TAF4: variants seen among roughly 807,000 people sequenced by gnomAD.
The protein encoded by TAF4 is TATA-box binding protein associated factor 4.
A neutral mutation model predicts 90.3 loss-of-function variants in TAF4; 9 were observed. The observed-to-expected ratio is 0.10, with a 90% CI of 0.06 to 0.17. The LOEUF (loss-of-function observed/expected upper bound fraction) is 0.17. TAF4 is among the 10% of genes least tolerant of loss of function. The pLI, the probability that TAF4 is intolerant of heterozygous loss-of-function variation, is 1.00. For synonymous variants in TAF4, 818 were observed against 638.9 expected (o/e 1.28, Z -4.23); for missense variants, 1,351 against 1,370.7 (o/e 0.99, Z 0.23).
intron 1 of TAF4, among the ~76,000 whole-genome samples, chr20:62,020,535 G>A (rs575400373): frequency 6.6e-6 from 1 of 152,164 alleles, no homozygotes; most frequent in Non-Finnish European, 1.5e-5. Context: ...GCCTTTCTGG[G>A]TGTCTGGTAA....
At position 62,064,619 on chromosome 20, in the gene TAF4, TG is replaced by T; in HGVS notation, c.1191del (p.Thr398ProfsTer11). ...AAVPPPAPGT[P>X]TGLPKGAAGA... ...CCGGCCGCGCCTTTGGGCAGCCCGG[TG>T]GGGGTCCCGGGGGCGGGCGGCGGGA... On this transcript the variant is annotated frameshift_variant, in exon 1 of 15. Transcript: ENST00000252996. LOFTEE classifies it high-confidence loss of function. 2 of 1,385,762 alleles carry T rather than the reference TG, an allele frequency of 1.4e-6. No homozygotes were observed. The highest frequency in any genetic ancestry group is 1.9e-6 in the Non-Finnish European group (2 of 1,075,426). The allele number at this position is 1,385,762 out of a possible 1,614,324, so 85.8% of individuals were successfully genotyped here.
At chr20:62,057,145 C>A (rs893458539) in intron 1 of TAF4, among the ~76,000 whole-genome samples, 4 of 152,346 alleles carry the variant, frequency 2.6e-5, no homozygotes, top group African/African-American at 9.6e-5. Context: ...GTCCCCCGAC[C>A]CCATGGAACA....
At chr20:62,029,300 G>C (rs140040202) in intron 1 of TAF4, among the ~76,000 whole-genome samples, 2 of 151,972 alleles carry the variant, frequency 1.3e-5, no homozygotes, top group Non-Finnish European at 1.5e-5. Context: ...GATAAAACTC[G>C]GAGGCAAGGA....
chr20:61,993,490 G>C (rs1401022477), intron 14 of TAF4, among the ~76,000 whole-genome samples: 1 of 152,196 alleles, frequency 6.6e-6, no homozygotes, highest in African/African-American at 2.4e-5. Flanking sequence ...AGTGATGGAG[G>C]GGTGGGAGGG....
At chr20:62,056,617 A>T (rs1281033447) in intron 1 of TAF4, among the ~76,000 whole-genome samples, 2 of 152,182 alleles carry the variant, frequency 1.3e-5, no homozygotes, top group East Asian at 3.8e-4. Flanking sequence ...TGCACCAGAC[A>T]CAGGACAAGG....
In TAF4 at chr20:62,013,257, G is replaced by A. The variant is rs28382051; in HGVS notation, c.1522-323C>T. 5.2e-4 allele frequency among the ~76,000 whole-genome samples: 79 copies of A among 152,376 alleles called. 1 individual carries two copies. In the South Asian group the frequency reaches 0.016, roughly 30 times the overall value. On this transcript the variant is annotated intron_variant, in intron 2 of 14. Transcript: ENST00000252996. ...GACCTCGTTAACAATCACTAAAAAG[G>A]ATGCAAAGGCAGACGGCCAGTCAGT...
At chr20:62,013,639 T>G (rs1386179852) in intron 2 of TAF4, among the ~76,000 whole-genome samples, 1 of 152,246 alleles carries the variant, frequency 6.6e-6, no homozygotes, top group Non-Finnish European at 1.5e-5. Context: ...GCAGCTCACG[T>G]AGCAGGAGAA....
chr20:62,064,793 G>A lies in TAF4; in HGVS notation c.1018C>T (p.Pro340Ser), dbSNP rs2056114048. 3 of 1,030,740 alleles carry A rather than the reference G, an allele frequency of 2.9e-6. No individual in the cohort carries two copies. The highest frequency in any genetic ancestry group is 3.5e-6 in the Non-Finnish European group (3 of 861,184). 63.8% of individuals were successfully genotyped at this position (1,030,740 alleles called of 1,614,324 possible). A position where few individuals can be genotyped will look rare whatever the true frequency, so the allele number is the denominator to read the frequency against. The change falls in exon 1 of 15, where the codon CCG (proline) becomes TCG (serine). Residue 340 changes from proline (P) to serine (S), a missense_variant. Physicochemically the swap from Pro to Ser is moderately conservative, Grantham distance 74 (BLOSUM62 -1). Around this residue, in one of 9 missense-constraint regions of TAF4, gnomAD observed 782 missense variants for 536.6 expected, o/e 1.46. Transcript: ENST00000252996. ...TTGGGCGACTCGGCCTTGACCCCCG[G>A]CGCCGGCGCCGCAGCCGCCGCGCCG... The part of the protein sequence containing the change: ...GPGAAAAAPA[P>S]GVKAESPKRV...
intron 14 of TAF4, among the ~76,000 whole-genome samples, chr20:61,985,670 T>C (rs62207108): frequency 6.6e-6 from 1 of 150,760 alleles, no homozygotes; most frequent in Non-Finnish European, 1.5e-5. Flanking sequence ...CAGGTTCCCA[T>C]GTAAGGCACG....
chr20:62,017,574 G>C (rs1479575238), intron 1 of TAF4, among the ~76,000 whole-genome samples: 1 of 152,210 alleles, frequency 6.6e-6, no homozygotes, highest in East Asian at 1.9e-4. Context: ...ATTAACCTGG[G>C]AGGCAGAGCT....
chr20:62,007,524 G>A (rs755798209), intron 6 of TAF4, 23 bp downstream of exon 6: 1 of 1,610,538 alleles, frequency 6.2e-7, no homozygotes, highest in Non-Finnish European at 8.5e-7. Flanking sequence ...ACTGCTCGCA[G>A]GCACCGGGGC....
chr20:61,998,872 C>CCAGCCCAAAACATGCTCTGA, intron 12 of TAF4, 111 bp downstream of exon 12: 1 of 1,441,090 alleles, frequency 6.9e-7, no homozygotes, highest in Non-Finnish European at 9.4e-7. Flanking sequence ...TGCTTCAAGG[C>CCAGCCCAAAACATGCTCTGA]CAGCCCAAAA....
chr20:61,997,604 G>A lies in TAF4; in HGVS notation c.3036C>T (p.Ile1012=), dbSNP rs775103184. ...RDANLTALAA[I]GPRKKRKVDC... ...CCACTTTCCTCTTTTTCCTGGGCCCGATCGCTGCTAGTGCTGTGAGGTTGG... is the reference window on the plus strand; with the variant it reads ...CCACTTTCCTCTTTTTCCTGGGCCCAATCGCTGCTAGTGCTGTGAGGTTGG... Residue 1012 remains isoleucine (I), a synonymous_variant, in exon 14 of 15, where the codon ATC becomes ATT. Transcript: ENST00000252996. 12 of 1,613,748 alleles carry A rather than the reference G, an allele frequency of 7.4e-6. No individual in the cohort carries two copies. The highest frequency in any genetic ancestry group is 2.2e-5 in the South Asian group (2 of 91,024).
chr20:62,016,174 T>C (rs1173512897), intron 1 of TAF4, among the ~76,000 whole-genome samples: 1 of 152,064 alleles, frequency 6.6e-6, no homozygotes, highest in Non-Finnish European at 1.5e-5. Context: ...CGAGGGAGAG[T>C]TCCACTCTCA....
chr20:62,007,397 G>C, intron 6 of TAF4, 150 bp downstream of exon 6: 1 of 670,606 alleles, frequency 1.5e-6, no homozygotes, highest in Non-Finnish European at 2.5e-6. Flanking sequence ...TCTGTCCCCA[G>C]GCACTGAGTC....
At position 62,044,377 on chromosome 20, in the gene TAF4, T is replaced by C. The variant is rs180727156; in HGVS notation, c.1360+20074A>G. Among the ~76,000 whole-genome samples, 16 of 152,376 alleles carry C rather than the reference T, an allele frequency of 1.1e-4. 1 individual carries two copies. The East Asian group carries it at 3.1e-3, about 29-fold the overall frequency. On this transcript the variant is annotated intron_variant, in intron 1 of 14. Transcript: ENST00000252996. ...ATGTGTGTATGCATGCGAGTATGTG[T>C]ATTTTGAACCACATAAATGTTTTAT...
chr20:62,040,948 T>G (rs904926198), intron 1 of TAF4, among the ~76,000 whole-genome samples: 1 of 152,238 alleles, frequency 6.6e-6, no homozygotes, highest in Non-Finnish European at 1.5e-5. Context: ...GCCAGACTCC[T>G]CAGCTGGCAA....
intron 1 of TAF4, among the ~76,000 whole-genome samples, chr20:62,031,724 G>A (rs930655144): frequency 6.6e-6 from 1 of 151,906 alleles, no homozygotes; most frequent in African/African-American, 2.4e-5. Flanking sequence ...CTTAGTCACC[G>A]TAAGTTCTTA....
At chr20:61,979,819 G>A (rs983878806) in intron 14 of TAF4, among the ~76,000 whole-genome samples, 87 of 149,606 alleles carry the variant, frequency 5.8e-4, no homozygotes, top group Non-Finnish European at 8.7e-4. Flanking sequence ...GGCCACTCCA[G>A]AGGGACTGCG....
Sources: allele counts gnomAD v4.1 joint callset (sites outside exome capture counted in the v4.1 genomes callset), GRCh38; gene constraint gnomAD v4.1.1; regional missense constraint gnomAD v4.1.1; transcripts MANE v1.5; gene names NCBI Gene and HGNC (gene_info 2026-07-23, HGNC 2026-07-21).